AK5: variants seen among roughly 807,000 people sequenced by gnomAD.
The protein encoded by AK5 is adenylate kinase isoenzyme 5.
AK5 carries 27 observed loss-of-function variants against 69.5 expected under a neutral mutation model. The ratio of observed to expected loss-of-function variants is 0.39; its 90% CI spans 0.29 to 0.54. The LOEUF is 0.54. AK5 is among the 20% of genes least tolerant of loss of function. AK5 has a pLI of 0.71. For missense variants in AK5, 531 were observed against 700.4 expected, an observed-to-expected ratio of 0.76 and a Z score of 2.73; for synonymous variants, 260 against 244.4, an observed-to-expected ratio of 1.06 and a Z score of -0.60.
intron 10 of AK5, among the ~76,000 whole-genome samples, chr1:77,496,731 TA>T (rs1242902685): frequency 2.0e-5 from 3 of 152,118 alleles, no homozygotes; most frequent in Non-Finnish European, 1.5e-5. Flanking sequence ...TGTGTCTAGC[TA>T]AAGGATTGTA....
intron 8 of AK5, among the ~76,000 whole-genome samples, chr1:77,449,682 C>T (rs1260907058): frequency 2.0e-5 from 3 of 152,092 alleles, no homozygotes; most frequent in African/African-American, 7.2e-5. Flanking sequence ...TATGTCCCCA[C>T]CCAAATCTTA....
intron 8 of AK5, among the ~76,000 whole-genome samples, chr1:77,481,884 A>C (rs1209866541): frequency 6.6e-6 from 1 of 152,210 alleles, no homozygotes; most frequent in Non-Finnish European, 1.5e-5. Context: ...ACTGGAAACT[A>C]CTCACTGATC....
At chr1:77,450,164 C>T (rs1467369242) in intron 8 of AK5, among the ~76,000 whole-genome samples, 1 of 152,182 alleles carries the variant, frequency 6.6e-6, no homozygotes, top group Non-Finnish European at 1.5e-5. Flanking sequence ...TCAGCCTGCA[C>T]CTTGTTGTTC....
At chr1:77,345,104 G>A (rs1661848593) in intron 6 of AK5, among the ~76,000 whole-genome samples, 1 of 152,058 alleles carries the variant, frequency 6.6e-6, no homozygotes, top group Non-Finnish European at 1.5e-5. Context: ...GATTTCACCA[G>A]GGAAATGGAT....
At chr1:77,447,435 A>G (rs765965018) in intron 8 of AK5, among the ~76,000 whole-genome samples, 41 of 152,362 alleles carry the variant, frequency 2.7e-4, no homozygotes, top group South Asian at 1.7e-3. Context: ...TCACAGGAAT[A>G]TAGGAGAAAC....
intron 9 of AK5, 27 bp downstream of exon 9, chr1:77,483,386 A>G (rs1246772988): frequency 1.6e-5 from 26 of 1,591,190 alleles, no homozygotes; most frequent in Non-Finnish European, 2.2e-5. Flanking sequence ...GATCAGATCA[A>G]AGTTGTCATT....
intron 6 of AK5, among the ~76,000 whole-genome samples, chr1:77,358,120 A>G (rs1301555393): frequency 6.6e-6 from 1 of 151,924 alleles, no homozygotes; most frequent in Non-Finnish European, 1.5e-5. Flanking sequence ...GAAGAAAGTA[A>G]AAATCACCCA....
At position 77,518,580 on chromosome 1, in the gene AK5, C is replaced by A. The variant is rs753494553; in HGVS notation, c.1164C>A (p.Gly388=). The change falls in exon 11 of 14, where the codon GGC becomes GGA. Residue 388 remains glycine (G), a synonymous_variant. Coordinates refer to ENST00000354567, the MANE Select transcript of AK5 (RefSeq NM_174858.3). Reference sequence around the variant, plus strand: ...CTTTTCAAGGTGGTCCTGGCTCTGGCAAAGGCACACAGTGTGAAAAGCTGG... The same window carrying A: ...CTTTTCAAGGTGGTCCTGGCTCTGGAAAAGGCACACAGTGTGAAAAGCTGG... ...IIFIIGGPGS[G]KGTQCEKLVE... is the part of the protein sequence containing the mutation. The A allele has an allele frequency of 7.4e-6, 12 of 1,613,938 alleles. No homozygotes were observed. The highest frequency in any genetic ancestry group is 1.6e-4 in the Middle Eastern group (1 of 6,062).
intron 1 of AK5, among the ~76,000 whole-genome samples, chr1:77,286,606 G>T (rs1207118263): frequency 1.3e-5 from 2 of 151,980 alleles, no homozygotes; most frequent in Non-Finnish European, 2.9e-5. Flanking sequence ...CAACACTTTG[G>T]AAGGCGGAGG....
At chr1:77,556,076 T>G (rs1022196226) in intron 13 of AK5, among the ~76,000 whole-genome samples, 2 of 152,222 alleles carry the variant, frequency 1.3e-5, no homozygotes, top group Admixed American at 6.5e-5. Flanking sequence ...GAAAAAGAAC[T>G]TTAAAAAAAC....
intron 2 of AK5, among the ~76,000 whole-genome samples, chr1:77,291,653 T>C (rs1658692466): frequency 6.6e-6 from 1 of 152,170 alleles, no homozygotes; most frequent in Admixed American, 6.5e-5. Context: ...AGATGTTCTT[T>C]TTATTACTAA....
chr1:77,419,413 A>G (rs1343553168), intron 8 of AK5, among the ~76,000 whole-genome samples: 1 of 150,756 alleles, frequency 6.6e-6, no homozygotes. Flanking sequence ...TAGAAAGAAC[A>G]GAAAAATCTG....
chr1:77,462,263 A>G (rs1498405), intron 8 of AK5, among the ~76,000 whole-genome samples: 48,925 of 152,022 alleles, frequency 0.32, 8,395 homozygotes, highest in East Asian at 0.59. Flanking sequence ...GCGAGGCTGG[A>G]CCTGGCATGT....
At chr1:77,393,858 A>T (rs1393223539) in intron 6 of AK5, among the ~76,000 whole-genome samples, 1 of 152,180 alleles carries the variant, frequency 6.6e-6, no homozygotes, top group Non-Finnish European at 1.5e-5. Context: ...GTGGTCAAAG[A>T]GAAACAGTGC....
At chr1:77,385,900 G>A (rs990912603) in intron 6 of AK5, among the ~76,000 whole-genome samples, 1 of 152,128 alleles carries the variant, frequency 6.6e-6, no homozygotes, top group Non-Finnish European at 1.5e-5. Flanking sequence ...TCAAGAAATA[G>A]CAGTCAAATA....
chr1:77,311,922 G>A (rs1450212399), intron 5 of AK5, among the ~76,000 whole-genome samples: 2 of 152,076 alleles, frequency 1.3e-5, no homozygotes. Context: ...TGGAGTCCTG[G>A]GACATTCACA....
chr1:77,500,167 C>T (rs765886006), intron 10 of AK5, among the ~76,000 whole-genome samples: 14 of 151,982 alleles, frequency 9.2e-5, no homozygotes, highest in Non-Finnish European at 1.8e-4. Flanking sequence ...TAAGAACTAA[C>T]CATAACTAAG....
chr1:77,456,397 T>C (rs1379421528), intron 8 of AK5, among the ~76,000 whole-genome samples: 1 of 152,224 alleles, frequency 6.6e-6, no homozygotes. Context: ...TCTGCCTGAA[T>C]ACAGATGTCT....
At chr1:77,423,201 A>G (rs1264351295) in intron 8 of AK5, among the ~76,000 whole-genome samples, 1 of 145,298 alleles carries the variant, frequency 6.9e-6, no homozygotes, top group Non-Finnish European at 1.5e-5. Context: ...TGCCTGGGCA[A>G]CAGAGCAAGA....
Sources: allele counts gnomAD v4.1 joint callset (sites outside exome capture counted in the v4.1 genomes callset), GRCh38; gene constraint gnomAD v4.1.1; transcripts MANE v1.5; gene names NCBI Gene and HGNC (gene_info 2026-07-23, HGNC 2026-07-21).